Variants in PHF8 observed in about 807,000 individuals in gnomAD.
PHF8 encodes the protein PHD finger protein 8, also known as histone lysine demethylase PHF8.
PHF8 carries 9 observed loss-of-function variants against 74.4 expected under a neutral mutation model. The ratio of observed to expected loss-of-function variants is 0.12; its 90% CI spans 0.07 to 0.21. The LOEUF is 0.21. PHF8 is among the 10% of genes least tolerant of loss of function. The probability of loss-of-function intolerance (pLI) is 1.00; values close to 1 mark genes in which losing one functional copy is unlikely to be tolerated. For missense variants in PHF8, 478 were observed against 816.6 expected (o/e 0.59, Z 5.05); for synonymous variants, 311 against 316.6 (o/e 0.98, Z 0.19).
intron 18 of PHF8, among the ~76,000 whole-genome samples, chrX:53,984,577 C>T (rs2069436910): frequency 9.0e-6 from 1 of 111,249 alleles, no homozygotes; most frequent in Non-Finnish European, 1.9e-5. Flanking sequence ...CAGATGATGG[C>T]AGTCAAACAG....
At chrX:53,999,554 C>A (rs1269422888) in intron 11 of PHF8, 1 of 238,436 alleles carries the variant, frequency 4.2e-6, no homozygotes, top group Non-Finnish European at 7.5e-6. Context: ...TTAAAATGCA[C>A]ATAAAAAAGA....
upstream of PHF8, among the ~76,000 whole-genome samples, chrX:54,046,629 A>G (rs68148941): frequency 0.15 from 16,839 of 109,148 alleles, 2,591 homozygotes; most frequent in African/African-American, 0.47. Context: ...GTTCAAAGGT[A>G]GGCAGTAAGA....
intron 6 of PHF8, among the ~76,000 whole-genome samples, chrX:54,016,038 G>A (rs1418958113): frequency 9.0e-6 from 1 of 111,390 alleles, no homozygotes; most frequent in Non-Finnish European, 1.9e-5. Context: ...CTAAGGTCTT[G>A]AAAAAGGAGA....
At chrX:53,965,397 A>G (rs1393741390) in intron 18 of PHF8, among the ~76,000 whole-genome samples, 2 of 113,169 alleles carry the variant, frequency 1.8e-5, no homozygotes, top group Non-Finnish European at 3.7e-5. Flanking sequence ...TGTCTTTAAG[A>G]AACTCCAGAT....
intron 8 of PHF8, among the ~76,000 whole-genome samples, chrX:54,009,772 G>A (rs782519409): frequency 1.8e-3 from 177 of 96,638 alleles, no homozygotes; most frequent in African/African-American, 6.7e-3. Flanking sequence ...GAACCTGGGA[G>A]GCGGAGGTTG....
chrX:54,015,575 CA>C (rs202093690), intron 6 of PHF8, among the ~76,000 whole-genome samples: 6,172 of 32,874 alleles, frequency 0.19, 116 homozygotes, highest in Middle Eastern at 0.25. Flanking sequence ...AACTCCGTCT[CA>C]AAAAAAAAAA....
intron 19 of PHF8, among the ~76,000 whole-genome samples, chrX:53,945,233 T>C (rs981558986): frequency 4.6e-5 from 5 of 108,142 alleles, no homozygotes. Flanking sequence ...TAGTCCCAGC[T>C]ATTCAGAAGG....
At chrX:53,958,004 CT>C (rs1444191213) in intron 19 of PHF8, among the ~76,000 whole-genome samples, 8 of 110,447 alleles carry the variant, frequency 7.2e-5, no homozygotes, top group Non-Finnish European at 7.6e-5. Flanking sequence ...ATTGGTACAA[CT>C]TTTCTGGAAA....
At chrX:54,001,415 A>G (rs1273941207) in intron 10 of PHF8, among the ~76,000 whole-genome samples, 2 of 111,347 alleles carry the variant, frequency 1.8e-5, no homozygotes. Flanking sequence ...AGGCTGAGGT[A>G]GGCAAAGCTT....
At chrX:53,986,779 T>A (rs1038294777) in intron 16 of PHF8, among the ~76,000 whole-genome samples, 8 of 109,475 alleles carry the variant, frequency 7.3e-5, no homozygotes, top group African/African-American at 2.0e-4. Context: ...CAAAAAAAAA[T>A]TTTTTTTAAA....
At chrX:54,027,632 T>A (rs782460835) in intron 2 of PHF8, among the ~76,000 whole-genome samples, 6 of 111,309 alleles carry the variant, frequency 5.4e-5, no homozygotes, top group Non-Finnish European at 1.1e-4. Context: ...CCTTAACCTC[T>A]TAGCACCATT....
At chrX:53,953,678 T>C (rs1252891403) in intron 19 of PHF8, among the ~76,000 whole-genome samples, 1 of 97,722 alleles carries the variant, frequency 1.0e-5, no homozygotes, top group Non-Finnish European at 2.0e-5. Context: ...TCCTAGAAAA[T>C]AGCTATTAAA....
At chrX:53,974,721 T>G (rs1481115765) in intron 18 of PHF8, among the ~76,000 whole-genome samples, 1 of 112,401 alleles carries the variant, frequency 8.9e-6, no homozygotes, top group African/African-American at 3.2e-5. Flanking sequence ...TGGAATACTA[T>G]GCAGTCATAA....
At chrX:54,027,984 C>CCACACACACA (rs782177087) in intron 2 of PHF8, among the ~76,000 whole-genome samples, 1,363 of 96,471 alleles carry the variant, frequency 0.014, 6 homozygotes, top group Middle Eastern at 0.026. Context: ...ACTATACACA[C>CCACACACACA]CACACACACA....
upstream of PHF8, chrX:54,044,745 C>T: frequency 1.9e-6 from 1 of 528,947 alleles, no homozygotes. Flanking sequence ...TTCAGCTACC[C>T]CGACTCGCAC....
Position 53,993,590 on chromosome X carries a change from C to A in PHF8, c.1626+11G>T. 8.3e-7 allele frequency: 1 copy of A among 1,203,142 alleles called. No homozygotes were observed. The highest frequency in any genetic ancestry group is 1.1e-6 in the Non-Finnish European group (1 of 888,633). ...AAAAGGGTTGGGCTGAACCCATGGG[C>A]CAGCACCCACCTTTGCTTTCTGGAA... is the stretch of plus-strand genomic sequence containing the variant. On this transcript the variant is annotated intron_variant, in intron 13 of 21. Transcript: ENST00000338154.
Position 53,936,945 on chromosome X carries a change from A to G in PHF8, c.*2213T>C, listed in dbSNP as rs185305171. Reference sequence around the variant, plus strand: ...TTTTGTAAAAATATATTAAAGGTGAATAGAAATCCTCTCTCCCTTCCCCCT... The same window carrying G: ...TTTTGTAAAAATATATTAAAGGTGAGTAGAAATCCTCTCTCCCTTCCCCCT... On this transcript the variant is annotated 3_prime_UTR_variant, in exon 22 of 22. Transcript: ENST00000338154. 233 of 111,050 alleles carry G rather than the reference A, an allele frequency of 2.1e-3. 1 individual carries two copies. Among genetic ancestry groups the G allele is most frequent in the South Asian group, 0.01 (26 of 2,557 alleles). The allele number at this position is 111,050 out of a possible 1,213,427, so 9.2% of individuals were successfully genotyped here. A position where few individuals can be genotyped will look rare whatever the true frequency, so the allele number is the denominator to read the frequency against.
At chrX:54,039,150 AAAAG>A (rs1557115203) in intron 2 of PHF8, among the ~76,000 whole-genome samples, 1 of 109,744 alleles carries the variant, frequency 9.1e-6, no homozygotes, top group African/African-American at 3.3e-5. Flanking sequence ...AAAAAAAAAA[AAAAG>A]AAGTCACTAG....
At position 54,002,360 on chromosome X, in the gene PHF8, CA is replaced by C. The variant is rs2149852481; in HGVS notation, c.1035-100del. Reference sequence around the variant, plus strand: ...CTGGATGCTTTGTATCTCTAATCCTCAAAATGACTCTGCAAGATCTGACTTT... The same window carrying C: ...CTGGATGCTTTGTATCTCTAATCCTCAAATGACTCTGCAAGATCTGACTTT... On this transcript the variant is annotated intron_variant, in intron 9 of 21. Transcript: ENST00000338154. 5 of 586,812 alleles carry C rather than the reference CA, an allele frequency of 8.5e-6. No individual in the cohort carries two copies. The East Asian group carries it at 1.7e-4, about 20-fold the overall frequency. The allele number at this position is 586,812 out of a possible 1,213,427, so 48.4% of individuals were successfully genotyped here.
Sources: allele counts gnomAD v4.1 joint callset (sites outside exome capture counted in the v4.1 genomes callset), GRCh38; gene constraint gnomAD v4.1.1; transcripts MANE v1.5; gene names NCBI Gene and HGNC (gene_info 2026-07-23, HGNC 2026-07-21).